The following ASCC2 variants were observed in gnomAD, a reference collection of about 807,000 sequenced individuals.
ASCC2 encodes the protein activating signal cointegrator 1 complex subunit 2.
In ASCC2, 42 loss-of-function variants were observed where a neutral mutation model predicts 93.5. The ratio of observed to expected loss-of-function variants is 0.45; its 90% CI spans 0.35 to 0.58. ASCC2 has a LOEUF of 0.58. ASCC2 is among the 20% of genes least tolerant of loss of function. The pLI is 0.00. For missense variants in ASCC2, 859 were observed against 977.6 expected, an observed-to-expected ratio of 0.88 and a Z score of 1.62; for synonymous variants, 364 against 384.2, an observed-to-expected ratio of 0.95 and a Z score of 0.62.
At chr22:29,827,478 C>A (rs568623985) in intron 2 of ASCC2, 1 of 428,938 alleles carries the variant, frequency 2.3e-6, no homozygotes, top group Non-Finnish European at 4.8e-6. Context: ...GTGCCTTACG[C>A]GAGTTTCCAA....
chr22:29,827,756 C>CAACACACACACACACACACA (rs1568952571), intron 2 of ASCC2, among the ~76,000 whole-genome samples: 1 of 69,542 alleles, frequency 1.4e-5, no homozygotes, highest in African/African-American at 5.6e-5. Context: ...CTCATTCTCC[C>CAACACACACACACACACACA]GACACACACA....
intron 7 of ASCC2, among the ~76,000 whole-genome samples, chr22:29,813,775 C>T (rs1348938708): frequency 2.6e-5 from 4 of 152,206 alleles, no homozygotes; most frequent in African/African-American, 9.7e-5. Flanking sequence ...TGGCCTTACA[C>T]CCAATCACCG....
At chr22:29,834,967 G>A (rs1021461620) in intron 1 of ASCC2, among the ~76,000 whole-genome samples, 1 of 152,162 alleles carries the variant, frequency 6.6e-6, no homozygotes, top group African/African-American at 2.4e-5. Flanking sequence ...AGGCTCGCCC[G>A]CTGAAGATGG....
At chr22:29,816,469 G>A (rs567486103) in intron 5 of ASCC2, among the ~76,000 whole-genome samples, 12 of 152,278 alleles carry the variant, frequency 7.9e-5, no homozygotes, top group African/African-American at 2.6e-4. Flanking sequence ...TAGCAGATAG[G>A]ATCTCTTTGC....
At chr22:29,807,263 GAAAAGA>G (rs1005837134) in intron 9 of ASCC2, among the ~76,000 whole-genome samples, 6 of 146,252 alleles carry the variant, frequency 4.1e-5, no homozygotes, top group Admixed American at 6.8e-5. Flanking sequence ...AAAAAAAAGG[GAAAAGA>G]AAAAGAAAAA....
chr22:29,837,008 A>G (rs1568970556), intron 1 of ASCC2, among the ~76,000 whole-genome samples: 1 of 152,198 alleles, frequency 6.6e-6, no homozygotes, highest in Non-Finnish European at 1.5e-5. Context: ...ACAAATAAAA[A>G]CCAATACCAT....
intron 8 of ASCC2, among the ~76,000 whole-genome samples, chr22:29,809,121 C>G (rs1200242188): frequency 2.4e-5 from 1 of 41,000 alleles, no homozygotes; most frequent in Admixed American, 2.3e-4. Flanking sequence ...GACTCTGTCT[C>G]AAAAAAAAAA....
chr22:29,825,070 T>C lies in ASCC2; in HGVS notation c.411+17A>G. 6.9e-7 allele frequency: 1 copy of C among 1,444,084 alleles called. No homozygotes were observed. The highest frequency in any genetic ancestry group is 1.5e-5 in the African/African-American group (1 of 68,794). The allele number at this position is 1,444,084 out of a possible 1,614,324, so 89.5% of individuals were successfully genotyped here. On this transcript the variant is annotated intron_variant, in intron 4 of 19. Coordinates refer to ENST00000307790, the MANE Select transcript of ASCC2 (RefSeq NM_032204.5). The surrounding 1 kb of genome is among the most constrained non-coding windows in gnomAD (Gnocchi z 4.9). Reference sequence around the variant, plus strand: ...TCGAGTATCGGGTGATGACCTGTCATGGGATCAGTGGCTTACTTTGGATTC... The same window carrying C: ...TCGAGTATCGGGTGATGACCTGTCACGGGATCAGTGGCTTACTTTGGATTC...
At chr22:29,831,655 C>A (rs1463495879) in intron 2 of ASCC2, among the ~76,000 whole-genome samples, 2 of 152,286 alleles carry the variant, frequency 1.3e-5, no homozygotes, top group East Asian at 3.9e-4. Flanking sequence ...ATAGGAACTC[C>A]AGGGCTACAT....
intron 6 of ASCC2, 78 bp from the exon 7 acceptor site, chr22:29,814,845 G>T: frequency 1.7e-6 from 2 of 1,207,386 alleles, no homozygotes; most frequent in Non-Finnish European, 1.2e-6. Context: ...AGGGTCAGGT[G>T]ATCTGAAAAC....
chr22:29,805,999 G>A (rs777452440), intron 12 of ASCC2, among the ~76,000 whole-genome samples: 21 of 151,932 alleles, frequency 1.4e-4, no homozygotes, highest in Non-Finnish European at 2.6e-4. Context: ...AAACACAGAC[G>A]GAAAATAGCA....
chr22:29,822,286 C>T, intron 5 of ASCC2, 49 bp downstream of exon 5: 1 of 1,607,234 alleles, frequency 6.2e-7, no homozygotes, highest in Non-Finnish European at 8.5e-7. Flanking sequence ...TTTAGTTTGG[C>T]ATGTGGGGGC....
chr22:29,833,774 G>A (rs2063435977), intron 1 of ASCC2, among the ~76,000 whole-genome samples: 1 of 151,942 alleles, frequency 6.6e-6, no homozygotes, highest in Non-Finnish European at 1.5e-5. Context: ...AGCCTTCACA[G>A]ACAAGCAGAG....
At chr22:29,795,575 C>T (rs2058330780) in intron 15 of ASCC2, among the ~76,000 whole-genome samples, 1 of 152,204 alleles carries the variant, frequency 6.6e-6, no homozygotes, top group Non-Finnish European at 1.5e-5. Context: ...CTCACTACAG[C>T]AGCCTTCTGT....
intron 5 of ASCC2, chr22:29,822,087 C>A: frequency 9.1e-6 from 4 of 441,352 alleles, no homozygotes; most frequent in Middle Eastern, 4.3e-4. Flanking sequence ...TGAAAAAAAA[C>A]AAAAACAAAA....
At chr22:29,823,643 T>C (rs2061880596) in intron 4 of ASCC2, among the ~76,000 whole-genome samples, 1 of 151,624 alleles carries the variant, frequency 6.6e-6, no homozygotes, top group Non-Finnish European at 1.5e-5. Context: ...AGGTCAGGAG[T>C]TCGGGATCAG....
intron 19 of ASCC2, among the ~76,000 whole-genome samples, chr22:29,789,997 TA>T (rs1256799873): frequency 6.6e-6 from 1 of 152,182 alleles, no homozygotes; most frequent in African/African-American, 2.4e-5. Flanking sequence ...TCTGCCCTCA[TA>T]TGACAAACTC....
At chr22:29,793,777 T>G in intron 15 of ASCC2, 101 bp from the exon 16 acceptor site, 11 of 1,066,368 alleles carry the variant, frequency 1.0e-5, no homozygotes, top group Non-Finnish European at 1.5e-5. Flanking sequence ...GCTCCAGCCC[T>G]CAGACTGTCA....
Position 29,789,008 on chromosome 22 carries a change from A to G in ASCC2, c.*5T>C, listed in dbSNP as rs1434677698. 1.9e-6 allele frequency: 3 copies of G among 1,614,014 alleles called. No individual in the cohort carries two copies. The highest frequency in any genetic ancestry group is 1.7e-5 in the Admixed American group (1 of 60,004). On this transcript the variant is annotated 3_prime_UTR_variant, in exon 20 of 20. Transcript: ENST00000307790. ...GCTGCCTCCCCACTGGCCCTGCACC[A>G]GGTCTCAGGATGGGATCATGCCTTT...
Sources: gnomAD v4.1 joint callset for allele counts (sites outside exome capture counted in the v4.1 genomes callset) on GRCh38, gnomAD v4.1.1 for gene constraint, Gnocchi (gnomAD v3.1) non-coding constraint, MANE v1.5 for transcripts, NCBI Gene and HGNC (gene_info 2026-07-23, HGNC 2026-07-21) for gene names.